SLC9A1: variants seen among roughly 807,000 people sequenced by gnomAD.
The protein encoded by SLC9A1 is sodium/hydrogen exchanger 1.
In SLC9A1, 22 loss-of-function variants were observed where a neutral mutation model predicts 67.9. The ratio of observed to expected loss-of-function variants is 0.32; its 90% confidence interval spans 0.23 to 0.46. SLC9A1 has a LOEUF of 0.46. Among genes scored for constraint, SLC9A1 ranks in the 20% least tolerant of loss-of-function variants. The pLI is 1.00. For synonymous variants in SLC9A1, 421 were observed against 471.8 expected, an observed-to-expected ratio of 0.89 and a Z score of 1.40; for missense variants, 686 against 1,094.8, an observed-to-expected ratio of 0.63 and a Z score of 5.27.
At chr1:27,119,042 AACACACACACACACACACAC>A (rs35231148) in intron 1 of SLC9A1, among the ~76,000 whole-genome samples, 6 of 139,444 alleles carry the variant, frequency 4.3e-5, no homozygotes, top group Non-Finnish European at 7.8e-5. Flanking sequence ...AGCTGGAACG[AACACACACACACACACACAC>A]ACACACACAC....
At chr1:27,143,297 C>T (rs576655671) in intron 1 of SLC9A1, among the ~76,000 whole-genome samples, 8 of 152,182 alleles carry the variant, frequency 5.3e-5, no homozygotes, top group South Asian at 2.1e-4. Context: ...CTCTCAAGGC[C>T]GCCTCCTTCA....
intron 1 of SLC9A1, among the ~76,000 whole-genome samples, chr1:27,147,784 C>CAGG (rs1447288424): frequency 6.6e-6 from 1 of 152,134 alleles, no homozygotes; most frequent in Non-Finnish European, 1.5e-5. Context: ...CAGCTAAGGT[C>CAGG]AGGAGTTCAA....
In SLC9A1 at chr1:27,101,335, C is replaced by G; in HGVS notation, c.2038-60G>C. 1.5e-6 allele frequency: 2 copies of G among 1,375,104 alleles called. No individual in the cohort carries two copies. Among genetic ancestry groups the G allele is most frequent in the Non-Finnish European group, 2.1e-6 (2 of 971,722 alleles). The allele number at this position is 1,375,104 out of a possible 1,614,324, so 85.2% of individuals were successfully genotyped here. A position where few individuals can be genotyped will look rare whatever the true frequency, so the allele number is the denominator to read the frequency against. Reference sequence around the variant, plus strand: ...GCTGGGCAGAGGGAGCCCCTCAGGACAGAACCCGGCCAGTGCACACCCCAC... The same window carrying G: ...GCTGGGCAGAGGGAGCCCCTCAGGAGAGAACCCGGCCAGTGCACACCCCAC... On this transcript the variant is annotated intron_variant, in intron 10 of 11. Coordinates refer to ENST00000263980, the MANE Select transcript of SLC9A1 (RefSeq NM_003047.5). The surrounding 1 kb of genome is among the most constrained non-coding windows in gnomAD (Gnocchi z 4.9).
chr1:27,108,152 C>T (rs900517351), intron 3 of SLC9A1, among the ~76,000 whole-genome samples: 2 of 151,168 alleles, frequency 1.3e-5, no homozygotes, highest in Admixed American at 1.3e-4. Flanking sequence ...CTGCAACCTC[C>T]GCCTCCCGGG....
chr1:27,136,237 C>G (rs554156778), intron 1 of SLC9A1, among the ~76,000 whole-genome samples: 12 of 152,376 alleles, frequency 7.9e-5, no homozygotes, highest in African/African-American at 2.9e-4. Flanking sequence ...TCATGGAGAA[C>G]TGCTGCTTAA....
intron 1 of SLC9A1, among the ~76,000 whole-genome samples, chr1:27,131,030 T>A (rs2083380801): frequency 6.6e-6 from 1 of 152,226 alleles, no homozygotes; most frequent in Admixed American, 6.5e-5. Flanking sequence ...CACTTCCGCC[T>A]GGCCTGTGCT....
chr1:27,103,454 C>A, intron 5 of SLC9A1, 142 bp from the exon 6 acceptor site: 2 of 688,586 alleles, frequency 2.9e-6, no homozygotes, highest in South Asian at 3.1e-5. Context: ...GGTGTGAGAA[C>A]TCTCCCACCT....
intron 1 of SLC9A1, among the ~76,000 whole-genome samples, chr1:27,135,080 G>A (rs978460058): frequency 6.8e-6 from 1 of 147,382 alleles, no homozygotes; most frequent in African/African-American, 2.5e-5. Flanking sequence ...TAAAGGCAGG[G>A]TCTTGCTCTG....
rs574810561 is a variant in SLC9A1, at chr1:27,099,618, C to T, written c.*689G>A. 22 of 152,864 alleles carry T rather than the reference C, an allele frequency of 1.4e-4. No homozygotes were observed. Among genetic ancestry groups the T allele is most frequent in the Non-Finnish European group, 1.9e-4 (13 of 68,232 alleles). 9.5% of individuals were successfully genotyped at this position (152,864 alleles called of 1,614,324 possible). A position where few individuals can be genotyped will look rare whatever the true frequency, so the allele number is the denominator to read the frequency against. ...ATTCTGGAGCCACGGCCAGTCCTTC[C>T]CCTAGCAGCTTCCCCTGAGGGGCCC... On this transcript the variant is annotated 3_prime_UTR_variant, in exon 12 of 12. Transcript: ENST00000263980.
At chr1:27,140,368 A>C (rs184255150) in intron 1 of SLC9A1, among the ~76,000 whole-genome samples, 1 of 152,186 alleles carries the variant, frequency 6.6e-6, no homozygotes, top group Non-Finnish European at 1.5e-5. Flanking sequence ...GAACGAGCTC[A>C]GACAATTCAG....
At chr1:27,120,985 T>G (rs1228471890) in intron 1 of SLC9A1, among the ~76,000 whole-genome samples, 1 of 152,164 alleles carries the variant, frequency 6.6e-6, no homozygotes, top group Non-Finnish European at 1.5e-5. Context: ...TGGGCCATGC[T>G]GCTTCAAAGA....
At position 27,101,901 on chromosome 1, in the gene SLC9A1, A is replaced by C. The variant is rs1467936991; in HGVS notation, c.1936-75T>G. On this transcript the variant is annotated intron_variant, in intron 9 of 11. Coordinates refer to ENST00000263980, the MANE Select transcript of SLC9A1 (RefSeq NM_003047.5). This position sits in a 1 kb window ranked among gnomAD's most constrained non-coding sequence, Gnocchi z 4.9. ...CATGGAGGGGTGGGGGCAGTGCTGG[A>C]GGCCGGGCCAGTCCTGGGGTGGGTG... 4.2e-6 allele frequency: 6 copies of C among 1,412,630 alleles called. No homozygotes were observed. Among genetic ancestry groups the C allele is most frequent in the African/African-American group, 1.4e-5 (1 of 70,396 alleles). The allele number at this position is 1,412,630 out of a possible 1,614,324, so 87.5% of individuals were successfully genotyped here. A position where few individuals can be genotyped will look rare whatever the true frequency, so the allele number is the denominator to read the frequency against.
chr1:27,108,348 C>T (rs374662709), intron 3 of SLC9A1, among the ~76,000 whole-genome samples: 144,748 of 145,974 alleles, frequency 0.99, 71,761 homozygotes, highest in East Asian at 1. Flanking sequence ...TTACAGGCGA[C>T]GAGCGCATGC....
intron 1 of SLC9A1, among the ~76,000 whole-genome samples, chr1:27,153,151 C>T (rs1284525916): frequency 6.6e-6 from 1 of 152,094 alleles, no homozygotes; most frequent in African/African-American, 2.4e-5. Context: ...CAGGCCTGAA[C>T]ATCCCTAGGC....
intron 1 of SLC9A1, among the ~76,000 whole-genome samples, chr1:27,148,497 GA>G (rs2083504271): frequency 1.3e-5 from 2 of 152,014 alleles, no homozygotes; most frequent in Admixed American, 1.3e-4. Context: ...GATCCAACAA[GA>G]ACCCAGCATG....
At chr1:27,147,707 G>A (rs931170784) in intron 1 of SLC9A1, among the ~76,000 whole-genome samples, 2 of 150,714 alleles carry the variant, frequency 1.3e-5, no homozygotes, top group Non-Finnish European at 2.9e-5. Flanking sequence ...ATTAGAAAAC[G>A]GGCTCAGGCC....
rs371305880 is a variant in SLC9A1 at position 27,105,565 on chromosome 1, G to A, written c.1485+320C>T. ...CACCCCCTCAGCCTCCCAAAGTGCT[G>A]GGATTACAGGCGTTGAGTCACCGTG... On this transcript the variant is annotated intron_variant, in intron 5 of 11. Coordinates refer to ENST00000263980, the MANE Select transcript of SLC9A1 (RefSeq NM_003047.5). 10 of 626,094 alleles carry A rather than the reference G, an allele frequency of 1.6e-5. No homozygotes were observed. In the East Asian group the frequency reaches 2.2e-4, roughly 14 times the overall value. 38.8% of individuals were successfully genotyped at this position (626,094 alleles called of 1,614,324 possible).
At chr1:27,119,948 A>G (rs1336948522) in intron 1 of SLC9A1, among the ~76,000 whole-genome samples, 1 of 151,886 alleles carries the variant, frequency 6.6e-6, no homozygotes, top group East Asian at 1.9e-4. Flanking sequence ...AATCCTTCCT[A>G]TCTTCAAAGG....
At chr1:27,131,439 CAAAAAAAAAAA>C (rs35954506) in intron 1 of SLC9A1, among the ~76,000 whole-genome samples, 17 of 27,490 alleles carry the variant, frequency 6.2e-4, no homozygotes, top group African/African-American at 1.9e-3. Flanking sequence ...ACTAAAAATA[CAAAAAAAAAAA>C]AAAAAAAAAA....
Sources: gnomAD v4.1 joint callset for allele counts (sites outside exome capture counted in the v4.1 genomes callset) on GRCh38, gnomAD v4.1.1 for gene constraint, Gnocchi (gnomAD v3.1) non-coding constraint, MANE v1.5 for transcripts, NCBI Gene and HGNC (gene_info 2026-07-23, HGNC 2026-07-21) for gene names.